The following SRSF5 variants were observed in gnomAD, a reference collection of about 807,000 sequenced individuals.
SRSF5 encodes the protein serine and arginine rich splicing factor 5, also known as serine/arginine-rich splicing factor 5.
A neutral mutation model predicts 34.0 loss-of-function variants in SRSF5; 5 were observed. The observed-to-expected ratio is 0.15, with a 90% CI of 0.08 to 0.31. The LOEUF is 0.31. Ranked by LOEUF, SRSF5 falls within the 10% of genes least tolerant of loss-of-function variation. The pLI is 1.00. For missense variants in SRSF5, 223 were observed against 351.4 expected (o/e 0.63, Z 2.92); for synonymous variants, 164 against 117.7 (o/e 1.39, Z -2.55).
Position 69,768,197 on chromosome 14 carries a change from C to T in SRSF5, c.41C>T (p.Ala14Val), listed in dbSNP as rs149960633. Residue 14 changes from alanine (A) to valine (V), a missense_variant, in exon 2 of 8, where the codon GCG becomes GTG. Ala to Val is a moderately conservative substitution (Grantham distance 64, BLOSUM62 0). Around this residue, in one of 4 missense-constraint regions of SRSF5, gnomAD observed 27 missense variants for 90.7 expected, o/e 0.30. Transcript: ENST00000557154. The part of the protein sequence containing the change: ...CRVFIGRLNP[A>V]AREKDVERFF... ...GTATTCATCGGGAGACTAAATCCAG[C>T]GGCCAGGGAGAAGGACGTGGAAAGA... 5.6e-6 allele frequency: 9 copies of T among 1,614,102 alleles called. No homozygotes were observed. The highest frequency in any genetic ancestry group is 3.3e-4 in the Middle Eastern group (2 of 6,062).
chr14:69,769,121 A>G, intron 4 of SRSF5, 61 bp from the exon 5 acceptor site: 1 of 1,590,330 alleles, frequency 6.3e-7, no homozygotes, highest in Non-Finnish European at 8.6e-7. Flanking sequence ...ACTTGCCCAC[A>G]GTTGAACACA....
At chr14:69,769,399 TGGG>T in intron 5 of SRSF5, 148 bp downstream of exon 5, 2 of 1,502,444 alleles carry the variant, frequency 1.3e-6, no homozygotes, top group Non-Finnish European at 1.8e-6. Context: ...AAATGTAATT[TGGG>T]GGATATTTTG....
chr14:69,767,272 G>A lies in SRSF5; in HGVS notation c.-20+17G>A. 1 of 399,404 alleles carries A rather than the reference G, an allele frequency of 2.5e-6. No homozygotes were observed. The highest frequency in any genetic ancestry group is 4.8e-6 in the Non-Finnish European group (1 of 206,936). 24.7% of individuals were successfully genotyped at this position (399,404 alleles called of 1,614,324 possible). On this transcript the variant is annotated intron_variant, in intron 1 of 7. Transcript: ENST00000557154. ...GTCCGGTAGGTGAGTGGCTCACTTT[G>A]AGGGCAAGCCTTCTCGGATCGAGGC...
Position 69,768,257 on chromosome 14 carries a change from A to C in SRSF5, c.101A>C (p.Asp34Ala). 2 of 1,614,208 alleles carry C rather than the reference A, an allele frequency of 1.2e-6. No individual in the cohort carries two copies. Among genetic ancestry groups the C allele is most frequent in the Non-Finnish European group, 1.7e-6 (2 of 1,180,042 alleles). ...FKGYGRIRDI[D>A]LKRGFGFVEF... ...GGATATGGACGGATAAGAGATATTGATCTGAAAAGAGGCTTTGGTTTTGTG... is the reference window on the plus strand; with the variant it reads ...GGATATGGACGGATAAGAGATATTGCTCTGAAAAGAGGCTTTGGTTTTGTG... Residue 34 changes from aspartate to alanine, a missense_variant, in exon 2 of 8, where the codon GAT (aspartate) becomes GCT (alanine). By Grantham distance (126) the Asp-to-Ala change is moderately radical (BLOSUM62 -2). Coordinates refer to ENST00000557154, the MANE Select transcript of SRSF5 (RefSeq NM_001320214.2).
chr14:69,770,226 T>C, intron 5 of SRSF5: 1 of 1,294,822 alleles, frequency 7.7e-7, no homozygotes. Flanking sequence ...AGACTAATAC[T>C]ACCTTAATGT....
chr14:69,768,028 C>A, intron 1 of SRSF5, 110 bp from the exon 2 acceptor site: 1 of 1,265,258 alleles, frequency 7.9e-7, no homozygotes, highest in East Asian at 2.5e-5. Flanking sequence ...CAATCTCGTT[C>A]ATAACATCAC....
intron 6 of SRSF5, chr14:69,770,787 C>T (rs546166131): frequency 5.5e-5 from 35 of 639,786 alleles, no homozygotes; most frequent in Admixed American, 5.4e-4. Context: ...AAGCATCCCA[C>T]GGTGCATAGG....
At chr14:69,771,134 T>G (rs1329354925) in intron 7 of SRSF5, 29 bp downstream of exon 7, 1 of 1,612,900 alleles carries the variant, frequency 6.2e-7, no homozygotes, top group South Asian at 1.1e-5. Flanking sequence ...AGTCAAAAGT[T>G]GTATTTAATG....
chr14:69,771,872 C>G lies in SRSF5; in HGVS notation c.*411C>G, dbSNP rs1224795855. On this transcript the variant is annotated 3_prime_UTR_variant, in exon 8 of 8. Transcript: ENST00000557154. ...ATAGCTTTGGACACTTAAAAGAGCT[C>G]TAAATTTGCTTGTACATAAAGGCTT... 1 of 168,966 alleles carries G rather than the reference C, an allele frequency of 5.9e-6. No homozygotes were observed. Among genetic ancestry groups the G allele is most frequent in the African/African-American group, 2.4e-5 (1 of 41,634 alleles). The allele number at this position is 168,966 out of a possible 1,614,324, so 10.5% of individuals were successfully genotyped here. A position where few individuals can be genotyped will look rare whatever the true frequency, so the allele number is the denominator to read the frequency against.
intron 4 of SRSF5, 62 bp from the exon 5 acceptor site, chr14:69,769,120 C>A: frequency 6.3e-7 from 1 of 1,587,486 alleles, no homozygotes; most frequent in Non-Finnish European, 8.6e-7. Context: ...AACTTGCCCA[C>A]AGTTGAACAC....
chr14:69,771,716 A>G lies in SRSF5; in HGVS notation c.*255A>G. ...AATGTCTGAAGTATATAGTTTGTGT[A>G]TATTGACAGAGCTCTTTTATAACTA... On this transcript the variant is annotated 3_prime_UTR_variant, in exon 8 of 8. Transcript: ENST00000557154. 1 of 408,432 alleles carries G rather than the reference A, an allele frequency of 2.4e-6. No individual in the cohort carries two copies. The highest frequency in any genetic ancestry group is 4.8e-5 in the South Asian group (1 of 21,030). The allele number at this position is 408,432 out of a possible 1,614,324, so 25.3% of individuals were successfully genotyped here. A position where few individuals can be genotyped will look rare whatever the true frequency, so the allele number is the denominator to read the frequency against.
intron 6 of SRSF5, 82 bp downstream of exon 6, chr14:69,770,622 AAT>A: frequency 1.6e-6 from 2 of 1,230,384 alleles, no homozygotes; most frequent in Non-Finnish European, 1.2e-6. Context: ...TTAAAATTTG[AAT>A]ATGTTAGAAT....
chr14:69,769,745 T>C, intron 5 of SRSF5: 2 of 1,384,096 alleles, frequency 1.4e-6, no homozygotes, highest in Non-Finnish European at 1.9e-6. Flanking sequence ...AGTTGAGACC[T>C]GTCTTCCTGT....
chr14:69,770,416 T>A (rs777400373), intron 5 of SRSF5, 51 bp from the exon 6 acceptor site: 1 of 1,597,650 alleles, frequency 6.3e-7, no homozygotes, highest in Non-Finnish European at 8.5e-7. Context: ...ATGTGATTGT[T>A]TGTGTGTCCC....
Position 69,769,050 on chromosome 14 carries a change from CATAGA to C in SRSF5, c.297-130_297-126del, listed in dbSNP as rs376652728. ...TTGTTCTTGATGAATCTATATGAGT[CATAGA>C]ACACAAATCTATTGACGGAAGTCAT... On this transcript the variant is annotated intron_variant, in intron 4 of 7. Coordinates refer to ENST00000557154, the MANE Select transcript of SRSF5 (RefSeq NM_001320214.2). 1.4e-4 allele frequency: 186 copies of C among 1,298,896 alleles called. 2 individuals are homozygous for C. The East Asian group carries it at 4.4e-3, about 30-fold the overall frequency. The allele number at this position is 1,298,896 out of a possible 1,614,324, so 80.5% of individuals were successfully genotyped here.
At chr14:69,767,817 C>T (rs1441485946) in intron 1 of SRSF5, 2 of 358,842 alleles carry the variant, frequency 5.6e-6, no homozygotes, top group Non-Finnish European at 1.1e-5. Flanking sequence ...CGGGCGGCTC[C>T]GCCCGCACTT....
intron 6 of SRSF5, 161 bp from the exon 7 acceptor site, chr14:69,770,834 A>C: frequency 1.4e-6 from 1 of 718,448 alleles, no homozygotes; most frequent in Non-Finnish European, 2.3e-6. Flanking sequence ...AAAGTATAAC[A>C]GTGCCAAAAC....
chr14:69,767,689 C>A (rs544938898), intron 1 of SRSF5: 4 of 364,932 alleles, frequency 1.1e-5, no homozygotes, highest in African/African-American at 8.6e-5. Flanking sequence ...ATTTTGTGGC[C>A]GCAGAGCGCC....
intron 6 of SRSF5, 135 bp from the exon 7 acceptor site, chr14:69,770,860 C>T: frequency 2.4e-6 from 2 of 823,046 alleles, no homozygotes; most frequent in Non-Finnish European, 3.8e-6. Flanking sequence ...TCTTTTAATG[C>T]TGTGTTATCC....
Sources: gnomAD v4.1 joint callset for allele counts on GRCh38, gnomAD v4.1.1 for gene constraint, gnomAD v4.1.1 regional missense constraint, MANE v1.5 for transcripts, NCBI Gene and HGNC (gene_info 2026-07-23, HGNC 2026-07-21) for gene names.